Variants in AFF2 observed in about 807,000 individuals in gnomAD.
AFF2 encodes the protein ALF transcription elongation factor 2.
A neutral mutation model predicts 76.9 loss-of-function variants in AFF2; 14 were observed. The observed-to-expected ratio is 0.18, with a 90% CI of 0.12 to 0.28. AFF2 has a LOEUF of 0.28. Among genes scored for constraint, AFF2 ranks in the 10% least tolerant of loss-of-function variants. The pLI, the probability that AFF2 is intolerant of heterozygous loss-of-function variation, is 1.00. For synonymous variants in AFF2, 398 were observed against 366.7 expected, an observed-to-expected ratio of 1.09 and a Z score of -0.98; for missense variants, 868 against 1,001.1, an observed-to-expected ratio of 0.87 and a Z score of 1.79.
intron 9 of AFF2, among the ~76,000 whole-genome samples, chrX:148,953,317 G>A (rs1461149540): frequency 8.9e-6 from 1 of 111,824 alleles, no homozygotes; most frequent in East Asian, 2.8e-4. Context: ...GTTGAATGAG[G>A]GTGGCAAGGC....
chrX:148,636,300 G>A (rs1436472338), intron 1 of AFF2, among the ~76,000 whole-genome samples: 1 of 112,001 alleles, frequency 8.9e-6, no homozygotes, highest in Non-Finnish European at 1.9e-5. Flanking sequence ...TATTACTTGA[G>A]CGTGTCGAGG....
intron 3 of AFF2, among the ~76,000 whole-genome samples, chrX:148,722,501 C>T (rs1452151406): frequency 9.1e-6 from 1 of 110,421 alleles, no homozygotes; most frequent in African/African-American, 3.3e-5. Context: ...GTGAGATGTC[C>T]TCTTTCATCA....
intron 1 of AFF2, among the ~76,000 whole-genome samples, chrX:148,602,261 T>C (rs2053632781): frequency 9.0e-6 from 1 of 111,504 alleles, no homozygotes; most frequent in South Asian, 3.8e-4. Flanking sequence ...GAGAGTGGCA[T>C]GAAATGAAAT....
chrX:148,920,883 C>T (rs1443174475), intron 9 of AFF2, among the ~76,000 whole-genome samples: 9 of 110,568 alleles, frequency 8.1e-5, no homozygotes, highest in African/African-American at 2.3e-4. Context: ...GTGATTTCGA[C>T]GCATCAGTGG....
chrX:148,816,933 C>CAAAAA (rs143691805), intron 4 of AFF2, among the ~76,000 whole-genome samples: 2 of 84,473 alleles, frequency 2.4e-5, no homozygotes, highest in African/African-American at 8.8e-5. Context: ...AAGATCTATG[C>CAAAAA]AAAAAAAAAA....
intron 1 of AFF2, among the ~76,000 whole-genome samples, chrX:148,605,948 A>G (rs1182450010): frequency 1.8e-5 from 2 of 112,244 alleles, no homozygotes; most frequent in Non-Finnish European, 3.8e-5. Flanking sequence ...GGGTGTTAGC[A>G]TAGTCTGAAA....
rs1184124122 is a variant in AFF2, at chrX:148,918,934, C to T, written c.1397+14676C>T. ...CTACAATAAGAAGGAGAGAAACGAA[C>T]CCCCTGTTGTCTTCCTTTTGAAAGT... On this transcript the variant is annotated intron_variant, in intron 9 of 20. Transcript: ENST00000370460. 4.5e-5 allele frequency among the ~76,000 whole-genome samples: 5 copies of T among 111,932 alleles called. No homozygotes were observed. In the Admixed American group the frequency reaches 4.7e-4, roughly 11 times the overall value.
chrX:148,774,628 A>C lies in AFF2; in HGVS notation c.1042-35248A>C, dbSNP rs145858722. Among the ~76,000 whole-genome samples the C allele has an allele frequency of 4.2e-3, 469 of 111,922 alleles. 1 individual carries two copies. Among genetic ancestry groups the C allele is most frequent in the African/African-American group, 0.015 (450 of 30,816 alleles). On this transcript the variant is annotated intron_variant, in intron 3 of 20. Transcript: ENST00000370460. Reference sequence around the variant, plus strand: ...AACACACATGGCCGCTGCTCTAAAAAAAATTCCTAATAGCAACCTGTGCAA... The same window carrying C: ...AACACACATGGCCGCTGCTCTAAAACAAATTCCTAATAGCAACCTGTGCAA...
At chrX:148,899,787 C>T (rs782613750) in intron 8 of AFF2, among the ~76,000 whole-genome samples, 2 of 111,185 alleles carry the variant, frequency 1.8e-5, no homozygotes, top group African/African-American at 3.3e-5. Context: ...TCCACTGCCA[C>T]AATATCTCTA....
chrX:148,806,701 A>T (rs1229774837), intron 3 of AFF2, among the ~76,000 whole-genome samples: 1 of 111,592 alleles, frequency 9.0e-6, no homozygotes, highest in Non-Finnish European at 1.9e-5. Context: ...AATGAATGCG[A>T]TCCTATTACC....
In AFF2 at chrX:148,504,033, TA is replaced by T. The variant is rs782371551; in HGVS notation, c.47+2898del. Among the ~76,000 whole-genome samples, 889 of 110,910 alleles carry T rather than the reference TA, an allele frequency of 8.0e-3. 7 individuals carry two copies. The highest frequency in any genetic ancestry group is 0.027 in the African/African-American group (831 of 30,483). ...CTTGCTCTTAAAGAAAAAGATAAAT[TA>T]AAAAAAAATCAAATTTCTTCATTTA... On this transcript the variant is annotated intron_variant, in intron 1 of 20. Transcript: ENST00000370460.
At chrX:148,853,293 G>A (rs1258018578) in intron 7 of AFF2, among the ~76,000 whole-genome samples, 2 of 110,704 alleles carry the variant, frequency 1.8e-5, no homozygotes, top group African/African-American at 6.6e-5. Context: ...TCAATTTCTG[G>A]AGCAAGGAGA....
At chrX:148,735,988 A>G (rs1456554753) in intron 3 of AFF2, among the ~76,000 whole-genome samples, 2 of 112,278 alleles carry the variant, frequency 1.8e-5, no homozygotes, top group South Asian at 3.7e-4. Flanking sequence ...TTGTATATCT[A>G]TACCACAGTT....
At position 148,814,001 on chromosome X, in the gene AFF2, G is replaced by A. The variant is rs536587717; in HGVS notation, c.1086+4081G>A. Among the ~76,000 whole-genome samples, 9 of 112,218 alleles carry A rather than the reference G, an allele frequency of 8.0e-5. No individual in the cohort carries two copies. The South Asian group carries it at 3.3e-3, about 41-fold the overall frequency. On this transcript the variant is annotated intron_variant, in intron 4 of 20. Coordinates refer to ENST00000370460, the MANE Select transcript of AFF2 (RefSeq NM_002025.4). ...AATTTTACAAATCAGAAACTTAAAG[G>A]CAGCAATCTGTGCAATGCATCCCAG...
intron 19 of AFF2, among the ~76,000 whole-genome samples, chrX:148,986,494 A>G (rs1450935641): frequency 8.9e-6 from 1 of 112,834 alleles, no homozygotes; most frequent in Admixed American, 9.3e-5. Flanking sequence ...GTGTGTCTAA[A>G]CACTGGTACT....
intron 3 of AFF2, among the ~76,000 whole-genome samples, chrX:148,728,365 C>T (rs951075286): frequency 1.3e-4 from 15 of 112,345 alleles, no homozygotes; most frequent in East Asian, 5.7e-4. Flanking sequence ...CTGAAGCAGA[C>T]GATGGGTGGG....
Position 148,904,256 on chromosome X carries a change from GAAGT to G in AFF2, c.1397+3_1397+6del. 9.0e-7 allele frequency: 1 copy of G among 1,115,887 alleles called. No homozygotes were observed. Among genetic ancestry groups the G allele is most frequent in the Non-Finnish European group, 1.2e-6 (1 of 813,573 alleles). 92.0% of individuals were successfully genotyped at this position (1,115,887 alleles called of 1,213,427 possible). ...AGGCAAAACCTAGGAATAATCCTGTGAAGTAAGTTATTATTTTTATTAGTTGCAA... is the reference window on the plus strand; with the variant it reads ...AGGCAAAACCTAGGAATAATCCTGTGAAGTTATTATTTTTATTAGTTGCAA... On this transcript the variant is annotated splice_donor_variant and coding_sequence_variant, in exon 9 of 21. Transcript: ENST00000370460. LOFTEE classifies it high-confidence loss of function.
At chrX:148,580,597 T>C (rs2124344795) in intron 1 of AFF2, among the ~76,000 whole-genome samples, 1 of 110,684 alleles carries the variant, frequency 9.0e-6, no homozygotes, top group East Asian at 2.8e-4. Context: ...AGGATTTTTG[T>C]TGTGATAATG....
rs782760586 is a variant in AFF2, at chrX:148,662,219, T to C, written c.492T>C (p.His164=). 11 of 1,209,554 alleles carry C rather than the reference T, an allele frequency of 9.1e-6. No individual in the cohort carries two copies. The highest frequency in any genetic ancestry group is 8.8e-5 in the Admixed American group (4 of 45,706). The change falls in exon 3 of 21, where the codon CAT becomes CAC. Residue 164 remains histidine, a synonymous_variant. Coordinates refer to ENST00000370460, the MANE Select transcript of AFF2 (RefSeq NM_002025.4). The part of the protein sequence containing the change: ...KSKPEWSRDS[H]NPSTVLASQA... Reference sequence around the variant, plus strand: ...AACCTGAGTGGTCACGTGATAGTCATAACCCTAGCACTGTACTGGCAAGCC... The same window carrying C: ...AACCTGAGTGGTCACGTGATAGTCACAACCCTAGCACTGTACTGGCAAGCC...
Sources: gnomAD v4.1 joint callset for allele counts (sites outside exome capture counted in the v4.1 genomes callset) on GRCh38, gnomAD v4.1.1 for gene constraint, MANE v1.5 for transcripts, NCBI Gene and HGNC (gene_info 2026-07-23, HGNC 2026-07-21) for gene names.